PSD3: variants seen among roughly 807,000 people sequenced by gnomAD.
PSD3 encodes the protein pleckstrin and Sec7 domain containing 3, also known as PH and SEC7 domain-containing protein 3.
A neutral mutation model predicts 105.5 loss-of-function variants in PSD3; 49 were observed. The ratio of observed to expected loss-of-function variants is 0.46; its 90% CI spans 0.37 to 0.59. The LOEUF is 0.59. Ranked by LOEUF, PSD3 falls within the 20% of genes least tolerant of loss-of-function variation. The probability of loss-of-function intolerance (pLI) is 0.00; values close to 1 mark genes in which losing one functional copy is unlikely to be tolerated. For synonymous variants in PSD3, 557 were observed against 457.8 expected (o/e 1.22, Z -2.77); for missense variants, 1,561 against 1,263.8 (o/e 1.24, Z -3.57).
chr8:18,771,299 T>G (rs1188391564), intron 8 of PSD3, among the ~76,000 whole-genome samples: 1 of 152,240 alleles, frequency 6.6e-6, no homozygotes, highest in Non-Finnish European at 1.5e-5. Context: ...GGACCCATCC[T>G]CTTCTGCCCA....
At chr8:18,748,166 G>A (rs966753108) in intron 9 of PSD3, among the ~76,000 whole-genome samples, 4 of 150,388 alleles carry the variant, frequency 2.7e-5, no homozygotes, top group Non-Finnish European at 4.4e-5. Flanking sequence ...TAGCCCTTAT[G>A]TATACACACT....
In PSD3 at chr8:18,707,498, A is replaced by G. The variant is rs1245167578; in HGVS notation, c.2173-51813T>C. Among the ~76,000 whole-genome samples, 3 of 152,126 alleles carry G rather than the reference A, an allele frequency of 2.0e-5. No individual in the cohort carries two copies. In the East Asian group the frequency reaches 5.8e-4, roughly 29 times the overall value. On this transcript the variant is annotated intron_variant, in intron 9 of 15. Transcript: ENST00000327040. ...CAGTTGACAGCCCCACAACACACACACTTGCTACTACTGCCAGGCAGTTCT... is the reference window on the plus strand; with the variant it reads ...CAGTTGACAGCCCCACAACACACACGCTTGCTACTACTGCCAGGCAGTTCT...
intron 9 of PSD3, among the ~76,000 whole-genome samples, chr8:18,705,495 T>A (rs1468045344): frequency 1.5e-5 from 2 of 129,740 alleles, no homozygotes; most frequent in Non-Finnish European, 3.1e-5. Context: ...CGTGCCACTA[T>A]ACTTCAGCCT....
intron 11 of PSD3, among the ~76,000 whole-genome samples, chr8:18,615,521 A>C (rs185087564): frequency 1.6e-4 from 25 of 152,322 alleles, no homozygotes; most frequent in African/African-American, 5.3e-4. Flanking sequence ...AGAAAATTTT[A>C]TATTTGAGTG....
At chr8:18,585,822 T>A (rs551828975) in intron 12 of PSD3, among the ~76,000 whole-genome samples, 5 of 152,054 alleles carry the variant, frequency 3.3e-5, no homozygotes, top group African/African-American at 1.2e-4. Context: ...CAGAAATGAG[T>A]TGAGGTTCGC....
At chr8:18,817,290 G>A (rs2638609) in intron 4 of PSD3, among the ~76,000 whole-genome samples, 126,187 of 152,170 alleles carry the variant, frequency 0.83, 52,655 homozygotes, top group East Asian at 0.9. Context: ...TCCAAAGTTC[G>A]TGGGCTGTTT....
chr8:19,035,789 C>G (rs1827922176), intron 1 of PSD3, among the ~76,000 whole-genome samples: 1 of 152,030 alleles, frequency 6.6e-6, no homozygotes. Context: ...GGATTTCACT[C>G]TTTTGCCCAG....
At chr8:18,969,755 G>T (rs902670026) in intron 1 of PSD3, among the ~76,000 whole-genome samples, 8 of 151,994 alleles carry the variant, frequency 5.3e-5, no homozygotes, top group African/African-American at 1.9e-4. Context: ...TAAACCCAAG[G>T]ATCTTTCAAA....
At chr8:18,766,159 T>C (rs1286836266) in intron 8 of PSD3, among the ~76,000 whole-genome samples, 1 of 151,584 alleles carries the variant, frequency 6.6e-6, no homozygotes, top group Non-Finnish European at 1.5e-5. Context: ...CATGGCAAAA[T>C]GCTGTCTCTA....
chr8:18,532,706 C>G lies in PSD3; in HGVS notation c.*3037G>C, dbSNP rs556851529. The G allele has an allele frequency of 6.6e-6, 1 of 152,286 alleles. No individual in the cohort carries two copies. The highest frequency in any genetic ancestry group is 2.1e-4 in the South Asian group (1 of 4,818). The allele number at this position is 152,286 out of a possible 1,614,324, so 9.4% of individuals were successfully genotyped here. ...CTACGGGCTGGCGATAAAGTAAGGA[C>G]TCTGCATCCCAGTAATTAAGTTTTG... On this transcript the variant is annotated 3_prime_UTR_variant, in exon 16 of 16. Transcript: ENST00000327040.
chr8:19,063,228 A>G (rs1828962457), intron 1 of PSD3, among the ~76,000 whole-genome samples: 1 of 152,224 alleles, frequency 6.6e-6, no homozygotes, highest in African/African-American at 2.4e-5. Context: ...TATTTTCTAA[A>G]TTGGGCACAC....
intron 10 of PSD3, among the ~76,000 whole-genome samples, chr8:18,648,255 T>C (rs1211379679): frequency 1.3e-5 from 2 of 152,222 alleles, no homozygotes; most frequent in Admixed American, 1.3e-4. Context: ...TAGAGGCTTC[T>C]TAAATTGTTG....
chr8:18,915,926 T>A (rs1820553618), intron 2 of PSD3, among the ~76,000 whole-genome samples: 1 of 151,966 alleles, frequency 6.6e-6, no homozygotes, highest in Admixed American at 6.6e-5. Context: ...AGAAACCCTG[T>A]CTCTACTAAA....
rs192896601 is a variant in PSD3, at chr8:18,883,335, T to C, written c.131-10602A>G. On this transcript the variant is annotated intron_variant, in intron 2 of 15. Transcript: ENST00000327040. ...TAAAGTAAGTTCCAAGAAAACAATC[T>C]CATTACTGCAAAGAGAAACACTTGA... 1.2e-4 allele frequency among the ~76,000 whole-genome samples: 19 copies of C among 152,304 alleles called. 1 individual carries two copies. The highest frequency in any genetic ancestry group is 3.9e-4 in the Admixed American group (6 of 15,292).
At chr8:18,871,480 G>T in intron 3 of PSD3, 146 bp downstream of exon 3, 2 of 1,029,110 alleles carry the variant, frequency 1.9e-6, no homozygotes, top group Non-Finnish European at 2.8e-6. Context: ...AGCTTAGAAG[G>T]ACCTAGCTCA....
chr8:18,580,511 C>A (rs1170827636), intron 12 of PSD3, among the ~76,000 whole-genome samples: 1 of 152,030 alleles, frequency 6.6e-6, no homozygotes, highest in Non-Finnish European at 1.5e-5. Flanking sequence ...GATCGCACCA[C>A]TGTGTTCCAG....
At chr8:18,603,448 C>A (rs1804585034) in intron 11 of PSD3, among the ~76,000 whole-genome samples, 2 of 152,086 alleles carry the variant, frequency 1.3e-5, no homozygotes, top group South Asian at 4.2e-4. Context: ...TTTAGAAGTT[C>A]CTTTAGTGAG....
At chr8:18,751,988 A>C (rs964115654) in intron 9 of PSD3, among the ~76,000 whole-genome samples, 2 of 145,882 alleles carry the variant, frequency 1.4e-5, no homozygotes, top group African/African-American at 5.5e-5. Flanking sequence ...CAGCCTTGCC[A>C]ACATGGTAAA....
intron 9 of PSD3, chr8:18,684,173 G>T: frequency 5.4e-5 from 17 of 316,358 alleles, no homozygotes; most frequent in East Asian, 1.3e-4. Context: ...GGAAAAAAAT[G>T]CAATCCACCC....
Sources: allele counts gnomAD v4.1 joint callset (sites outside exome capture counted in the v4.1 genomes callset), GRCh38; gene constraint gnomAD v4.1.1; transcripts MANE v1.5; gene names NCBI Gene and HGNC (gene_info 2026-07-23, HGNC 2026-07-21).